Variants in TXNRD1 observed in about 807,000 individuals in gnomAD.
TXNRD1 encodes thioredoxin reductase 1.
In TXNRD1, 57 loss-of-function variants were observed where a neutral mutation model predicts 80.3. The observed-to-expected ratio is 0.71, with a 90% CI of 0.57 to 0.89. TXNRD1 has a LOEUF of 0.89. TXNRD1 is among the 40% of genes least tolerant of loss of function. TXNRD1 has a pLI of 0.00. For missense variants in TXNRD1, 730 were observed against 803.0 expected, an observed-to-expected ratio of 0.91 and a Z score of 1.10; for synonymous variants, 291 against 285.2, an observed-to-expected ratio of 1.02 and a Z score of -0.20.
chr12:104,244,982 G>A (rs556831588), intron 1 of TXNRD1, among the ~76,000 whole-genome samples: 1 of 152,290 alleles, frequency 6.6e-6, no homozygotes, highest in Non-Finnish European at 1.5e-5. Flanking sequence ...GTATTGATAG[G>A]CCTGTGGCCT....
At chr12:104,336,856 T>G (rs2135878199) in intron 15 of TXNRD1, among the ~76,000 whole-genome samples, 1 of 152,332 alleles carries the variant, frequency 6.6e-6, no homozygotes, top group South Asian at 2.1e-4. Context: ...GGAAGTTAAG[T>G]AACTGTGCTC....
chr12:104,228,921 G>A (rs1432390543), intron 1 of TXNRD1, among the ~76,000 whole-genome samples: 6 of 151,576 alleles, frequency 4.0e-5, no homozygotes, highest in Non-Finnish European at 7.4e-5. Flanking sequence ...GGGTTTCACT[G>A]TGTTAGCCAG....
intron 7 of TXNRD1, among the ~76,000 whole-genome samples, chr12:104,316,145 T>A (rs1373225631): frequency 6.6e-6 from 1 of 152,226 alleles, no homozygotes; most frequent in African/African-American, 2.4e-5. Context: ...TTGAATATAT[T>A]GTCATGTAGT....
At chr12:104,346,193 A>ATG in intron 16 of TXNRD1, 1 of 276,302 alleles carries the variant, frequency 3.6e-6, no homozygotes, top group South Asian at 3.6e-5. Flanking sequence ...ATATATATAT[A>ATG]TTTGAGACAG....
At chr12:104,293,784 C>T (rs2034315883) in intron 4 of TXNRD1, among the ~76,000 whole-genome samples, 1 of 152,176 alleles carries the variant, frequency 6.6e-6, no homozygotes, top group Non-Finnish European at 1.5e-5. Flanking sequence ...GGGACCGCTA[C>T]CACCAATGCG....
intron 4 of TXNRD1, among the ~76,000 whole-genome samples, chr12:104,301,270 A>G (rs1031261823): frequency 1.3e-5 from 2 of 152,214 alleles, no homozygotes; most frequent in African/African-American, 2.4e-5. Context: ...CCTCTGAGCC[A>G]GAAGAAAATA....
At chr12:104,254,644 A>AAAAAAAAAAAAAAATATAT in intron 2 of TXNRD1, among the ~76,000 whole-genome samples, 7 of 93,632 alleles carry the variant, frequency 7.5e-5, no homozygotes, top group African/African-American at 3.6e-4. Flanking sequence ...AAAAAAAAAA[A>AAAAAAAAAAAAAAATATAT]ATATATATAT....
Position 104,346,025 on chromosome 12 carries a change from T to C in TXNRD1, c.1882-2328T>C, listed in dbSNP as rs535436893. On this transcript the variant is annotated intron_variant, in intron 16 of 16. Coordinates refer to ENST00000525566, the MANE Select transcript of TXNRD1 (RefSeq NM_001093771.3). ...TGTCAATTGACCCAAGCAGTTTTTT[T>C]CATTTATTTGAGATAGGGTTCCTGT... The C allele has an allele frequency of 1.4e-4, 186 of 1,285,020 alleles. No individual in the cohort carries two copies. In the South Asian group the frequency reaches 2.3e-3, roughly 16 times the overall value. 79.6% of individuals were successfully genotyped at this position (1,285,020 alleles called of 1,614,324 possible).
chr12:104,302,181 TTAATAAAA>T (rs1200213578), intron 4 of TXNRD1, among the ~76,000 whole-genome samples: 1 of 152,202 alleles, frequency 6.6e-6, no homozygotes, highest in Admixed American at 6.5e-5. Context: ...TTACCCCTAG[TTAATAAAA>T]TAATTGGGAG....
At chr12:104,342,421 A>T (rs1019180869) in intron 16 of TXNRD1, among the ~76,000 whole-genome samples, 1 of 152,210 alleles carries the variant, frequency 6.6e-6, no homozygotes, top group Non-Finnish European at 1.5e-5. Context: ...GGAACCAGGG[A>T]CAGGATGGAA....
chr12:104,304,337 G>C (rs765172685), intron 4 of TXNRD1: 2 of 1,614,040 alleles, frequency 1.2e-6, no homozygotes, highest in Non-Finnish European at 8.5e-7. Flanking sequence ...GATGGAAGGC[G>C]ATCCTGACAA....
intron 2 of TXNRD1, among the ~76,000 whole-genome samples, chr12:104,254,644 A>AAAAAAAAAAAAAAAAAAAATAT: frequency 6.5e-4 from 61 of 93,598 alleles, no homozygotes; most frequent in Non-Finnish European, 9.6e-4. Flanking sequence ...AAAAAAAAAA[A>AAAAAAAAAAAAAAAAAAAATAT]ATATATATAT....
chr12:104,269,487 C>T (rs1228547991), intron 3 of TXNRD1, among the ~76,000 whole-genome samples: 1 of 150,524 alleles, frequency 6.6e-6, no homozygotes, highest in Non-Finnish European at 1.5e-5. Context: ...GTGGCCTCAA[C>T]CTCCCGGGCT....
At chr12:104,227,609 C>T (rs904395384) in intron 1 of TXNRD1, among the ~76,000 whole-genome samples, 8 of 152,032 alleles carry the variant, frequency 5.3e-5, no homozygotes, top group Non-Finnish European at 1.0e-4. Context: ...TATACATGAT[C>T]GGGTTACATA....
intron 4 of TXNRD1, chr12:104,289,630 C>CTTCCTTAG (rs1482505633): frequency 5.9e-5 from 9 of 152,646 alleles, no homozygotes; most frequent in Admixed American, 1.3e-4. Flanking sequence ...AGTAGAAATC[C>CTTCCTTAG]TTCCTTAGAC....
intron 3 of TXNRD1, among the ~76,000 whole-genome samples, chr12:104,271,424 G>A (rs1329802533): frequency 2.6e-5 from 4 of 151,958 alleles, no homozygotes; most frequent in Admixed American, 6.6e-5. Context: ...TGATCTGCCC[G>A]CCTTAGCCTC....
At chr12:104,335,526 C>T (rs1034163327) in intron 15 of TXNRD1, among the ~76,000 whole-genome samples, 4 of 152,102 alleles carry the variant, frequency 2.6e-5, no homozygotes, top group Admixed American at 6.6e-5. Context: ...TAGCAGAAAC[C>T]TGTGAAAGCC....
intron 12 of TXNRD1, 35 bp downstream of exon 12, chr12:104,326,458 GGA>G: frequency 3.8e-6 from 4 of 1,047,440 alleles, no homozygotes; most frequent in Non-Finnish European, 5.4e-6. Flanking sequence ...CATATTTGTG[GGA>G]TTTTTTTTTT....
At chr12:104,293,297 G>T (rs1368843311) in intron 4 of TXNRD1, among the ~76,000 whole-genome samples, 1 of 152,184 alleles carries the variant, frequency 6.6e-6, no homozygotes, top group African/African-American at 2.4e-5. Context: ...TGGGAGATAA[G>T]ACTAAAACTG....
Sources: allele counts gnomAD v4.1 joint callset (sites outside exome capture counted in the v4.1 genomes callset), GRCh38; gene constraint gnomAD v4.1.1; transcripts MANE v1.5; gene names NCBI Gene and HGNC (gene_info 2026-07-23, HGNC 2026-07-21).